Variants in NRXN3 observed in about 807,000 individuals in gnomAD.
NRXN3 encodes neurexin III.
NRXN3 carries 32 observed loss-of-function variants against 137.6 expected under a neutral mutation model. The ratio of observed to expected loss-of-function variants is 0.23; its 90% CI spans 0.18 to 0.31. The LOEUF (loss-of-function observed/expected upper bound fraction) is 0.31. Ranked by LOEUF, NRXN3 falls within the 10% of genes least tolerant of loss-of-function variation. The pLI, the probability that NRXN3 is intolerant of heterozygous loss-of-function variation, is 1.00. For missense variants in NRXN3, 1,574 were observed against 2,062.5 expected (o/e 0.76, Z 4.59); for synonymous variants, 798 against 784.5 (o/e 1.02, Z -0.29).
chr14:79,674,950 A>G (rs2098632519), intron 17 of NRXN3, among the ~76,000 whole-genome samples: 1 of 152,096 alleles, frequency 6.6e-6, no homozygotes, highest in Non-Finnish European at 1.5e-5. Flanking sequence ...CTTGCATAAA[A>G]TATTTTAGGG....
chr14:78,889,198 GCAAAAGACC>G (rs2099152231), intron 10 of NRXN3, among the ~76,000 whole-genome samples: 1 of 151,860 alleles, frequency 6.6e-6, no homozygotes, highest in Non-Finnish European at 1.5e-5. Flanking sequence ...AACATGACAA[GCAAAAGACC>G]TTGTTCAAAG....
intron 4 of NRXN3, among the ~76,000 whole-genome samples, chr14:78,608,382 T>G (rs1198161502): frequency 1.3e-5 from 2 of 152,240 alleles, no homozygotes; most frequent in Non-Finnish European, 2.9e-5. Flanking sequence ...AAAGCCACTC[T>G]GTAGAATATA....
chr14:78,372,293 C>CT (rs59696267), intron 4 of NRXN3, among the ~76,000 whole-genome samples: 110 of 146,386 alleles, frequency 7.5e-4, no homozygotes, highest in South Asian at 1.3e-3. Context: ...CTTTTCTTTT[C>CT]TTTTTTTTTT....
Position 79,764,494 on chromosome 14 carries a change from T to G in NRXN3, c.4015-40618T>G, listed in dbSNP as rs17764638. Among the ~76,000 whole-genome samples the G allele has an allele frequency of 6.5e-3, 992 of 152,344 alleles. 11 individuals are homozygous for G. The highest frequency in any genetic ancestry group is 0.011 in the Admixed American group (171 of 15,300). On this transcript the variant is annotated intron_variant, in intron 19 of 20. Transcript: ENST00000335750. The stretch of plus-strand genomic sequence containing the variant: ...GAGGGAGCCGTTACATTGTTTTATC[T>G]TGTTTGATGCCTTTACTCAGTGCTC...
intron 10 of NRXN3, among the ~76,000 whole-genome samples, chr14:78,923,408 G>A (rs1204720656): frequency 6.6e-6 from 1 of 152,218 alleles, no homozygotes; most frequent in African/African-American, 2.4e-5. Flanking sequence ...GAAAAAAGGA[G>A]GTTGGCAAAC....
At chr14:79,172,597 A>G (rs556611494) in intron 15 of NRXN3, among the ~76,000 whole-genome samples, 2 of 152,312 alleles carry the variant, frequency 1.3e-5, no homozygotes, top group East Asian at 1.9e-4. Context: ...TTTAAACTAT[A>G]AAAATGAATA....
intron 4 of NRXN3, among the ~76,000 whole-genome samples, chr14:78,497,215 A>C (rs1230944165): frequency 6.6e-6 from 1 of 152,192 alleles, no homozygotes; most frequent in African/African-American, 2.4e-5. Context: ...GGACAGTAGA[A>C]ACGGTAATAC....
intron 16 of NRXN3, among the ~76,000 whole-genome samples, chr14:79,482,469 C>A (rs1600948210): frequency 6.6e-6 from 1 of 152,254 alleles, no homozygotes; most frequent in Middle Eastern, 3.4e-3. Flanking sequence ...TCTATTTCTA[C>A]CACCCTGACA....
chr14:79,831,676 A>G (rs989124634), intron 20 of NRXN3, among the ~76,000 whole-genome samples: 2 of 152,104 alleles, frequency 1.3e-5, no homozygotes, highest in African/African-American at 4.8e-5. Context: ...TGTACCGACT[A>G]CTCATGAGAG....
At chr14:79,218,073 A>T (rs2068856145) in intron 15 of NRXN3, among the ~76,000 whole-genome samples, 1 of 152,230 alleles carries the variant, frequency 6.6e-6, no homozygotes, top group African/African-American at 2.4e-5. Flanking sequence ...CCTTGATAAT[A>T]TCATTGAACC....
At chr14:79,804,032 G>T (rs527331216) in intron 19 of NRXN3, among the ~76,000 whole-genome samples, 1 of 150,416 alleles carries the variant, frequency 6.6e-6, no homozygotes, top group Non-Finnish European at 1.5e-5. Context: ...ACAGCATCTG[G>T]CTTGTAGTAA....
chr14:79,426,436 G>A (rs2095656013), intron 15 of NRXN3, among the ~76,000 whole-genome samples: 1 of 152,148 alleles, frequency 6.6e-6, no homozygotes, highest in Admixed American at 6.5e-5. Context: ...CAAAAGGCAG[G>A]CTAAGGGCCC....
rs183140645 is a variant in NRXN3, at chr14:78,973,727, A to G, written c.3142+5381A>G. Among the ~76,000 whole-genome samples the G allele has an allele frequency of 2.0e-3, 306 of 152,278 alleles. 1 individual carries two copies. Among genetic ancestry groups the G allele is most frequent in the African/African-American group, 7.0e-3 (291 of 41,560 alleles). ...ACTGATCCTATGGTGCCATGCTGCT[A>G]TGTCTCAGAATAACAAGGGAGGAAC... On this transcript the variant is annotated intron_variant, in intron 14 of 20. Coordinates refer to ENST00000335750, the MANE Select transcript of NRXN3 (RefSeq NM_001330195.2).
At chr14:78,346,343 CCTGGT>C (rs755341839) in intron 4 of NRXN3, among the ~76,000 whole-genome samples, 7,591 of 152,164 alleles carry the variant, frequency 0.05, 466 homozygotes, top group African/African-American at 0.14. Flanking sequence ...TTACCTGGGG[CCTGGT>C]CTCCTCCCTA....
intron 15 of NRXN3, among the ~76,000 whole-genome samples, chr14:79,065,384 G>C (rs2099679500): frequency 6.6e-6 from 1 of 152,112 alleles, no homozygotes; most frequent in Non-Finnish European, 1.5e-5. Flanking sequence ...GAAAATCAAG[G>C]TTGCTGGACT....
chr14:79,403,910 ACCT>A (rs1377201803), intron 15 of NRXN3, among the ~76,000 whole-genome samples: 2 of 152,098 alleles, frequency 1.3e-5, no homozygotes, highest in Non-Finnish European at 2.9e-5. Context: ...CTTTGCTGTC[ACCT>A]CCTCGATTTT....
intron 4 of NRXN3, among the ~76,000 whole-genome samples, chr14:78,637,184 A>T (rs1021488453): frequency 6.6e-6 from 1 of 152,164 alleles, no homozygotes; most frequent in African/African-American, 2.4e-5. Context: ...TCTTGAGCCT[A>T]TACATGTGTC....
intron 15 of NRXN3, among the ~76,000 whole-genome samples, chr14:79,360,564 T>A (rs895444076): frequency 5.9e-5 from 9 of 152,230 alleles, no homozygotes; most frequent in African/African-American, 2.2e-4. Flanking sequence ...CAGGTTATGC[T>A]GAAAGATGAA....
At chr14:78,174,200 C>G (rs558401788) in intron 1 of NRXN3, among the ~76,000 whole-genome samples, 1 of 152,016 alleles carries the variant, frequency 6.6e-6, no homozygotes, top group Non-Finnish European at 1.5e-5. Context: ...TATATGTTTG[C>G]GGTACATTGG....
Sources: allele counts gnomAD v4.1 joint callset (sites outside exome capture counted in the v4.1 genomes callset), GRCh38; gene constraint gnomAD v4.1.1; transcripts MANE v1.5; gene names NCBI Gene and HGNC (gene_info 2026-07-23, HGNC 2026-07-21).